The following LIPI variants were observed in gnomAD, a reference collection of about 807,000 sequenced individuals.
LIPI encodes the protein lipase member I.
LIPI carries 59 observed loss-of-function variants against 50.6 expected under a neutral mutation model. The observed-to-expected ratio is 1.16, with a 90% CI of 0.94 to 1.45. The LOEUF (loss-of-function observed/expected upper bound fraction) is 1.45. Among genes scored for constraint, LIPI ranks in the 40% most tolerant of loss-of-function variants. LIPI has a pLI of 0.00. For synonymous variants in LIPI, 203 were observed against 178.2 expected (o/e 1.14, Z -1.11); for missense variants, 586 against 536.3 (o/e 1.09, Z -0.92).
chr21:14,150,099 T>C (rs1033246344), intron 8 of LIPI, among the ~76,000 whole-genome samples: 2 of 152,212 alleles, frequency 1.3e-5, no homozygotes, highest in African/African-American at 2.4e-5. Context: ...AGATTTCCAC[T>C]TGGAGCTCCA....
intron 1 of LIPI, among the ~76,000 whole-genome samples, chr21:14,195,588 A>G (rs890647794): frequency 2.6e-5 from 4 of 152,196 alleles, no homozygotes; most frequent in Admixed American, 1.3e-4. Context: ...ATCTTGGCAT[A>G]GGCAAAGGAC....
chr21:14,129,000 A>G (rs2822425), intron 9 of LIPI, among the ~76,000 whole-genome samples: 49,898 of 151,908 alleles, frequency 0.33, 8,319 homozygotes, highest in East Asian at 0.45. Context: ...TTTTCCAAGA[A>G]TCTAGGAGTA....
intron 9 of LIPI, among the ~76,000 whole-genome samples, chr21:14,140,757 T>C (rs921455801): frequency 6.6e-6 from 1 of 152,174 alleles, no homozygotes; most frequent in East Asian, 1.9e-4. Flanking sequence ...TTCCATTTAT[T>C]CCATTATATT....
intron 1 of LIPI, among the ~76,000 whole-genome samples, chr21:14,207,432 T>C (rs966543671): frequency 2.0e-5 from 3 of 151,826 alleles, no homozygotes; most frequent in African/African-American, 7.3e-5. Flanking sequence ...GGCACAACTA[T>C]GTCAATTAAT....
chr21:14,188,258 T>C (rs375407280), intron 2 of LIPI, among the ~76,000 whole-genome samples: 3 of 152,322 alleles, frequency 2.0e-5, no homozygotes, highest in East Asian at 3.9e-4. Flanking sequence ...AATCTGATGT[T>C]CACCTCCAAA....
intron 7 of LIPI, among the ~76,000 whole-genome samples, chr21:14,156,937 C>T (rs558370219): frequency 1.3e-5 from 2 of 151,914 alleles, no homozygotes; most frequent in South Asian, 4.1e-4. Context: ...ATTGAGGACT[C>T]AAACGGAAAT....
Position 14,145,059 on chromosome 21 carries a change from T to A in LIPI, c.1119-260A>T, listed in dbSNP as rs538593435. Among the ~76,000 whole-genome samples, 29 of 152,280 alleles carry A rather than the reference T, an allele frequency of 1.9e-4. No homozygotes were observed. In the South Asian group the frequency reaches 6.0e-3, roughly 32 times the overall value. ...GCTTCTTTTGGGAAAAAGTGACATG[T>A]CTTTCTGAGTAGATGTCTAGATTTT... On this transcript the variant is annotated intron_variant, in intron 8 of 9. Transcript: ENST00000681601.
chr21:14,172,822 T>A (rs577235826), intron 4 of LIPI, among the ~76,000 whole-genome samples: 5 of 151,934 alleles, frequency 3.3e-5, no homozygotes, highest in Admixed American at 3.3e-4. Context: ...CATATGTAAC[T>A]AACCTGCACA....
At chr21:14,179,803 T>C (rs970875708) in intron 4 of LIPI, among the ~76,000 whole-genome samples, 27 of 152,222 alleles carry the variant, frequency 1.8e-4, no homozygotes, top group African/African-American at 6.5e-4. Context: ...ACACATTGAT[T>C]GTAAAACATA....
intron 4 of LIPI, among the ~76,000 whole-genome samples, chr21:14,167,407 C>A (rs9754274): frequency 0.35 from 52,788 of 152,032 alleles, 9,285 homozygotes; most frequent in Middle Eastern, 0.38. Context: ...GGCAGACTGT[C>A]TCCTCAAGTG....
intron 9 of LIPI, among the ~76,000 whole-genome samples, chr21:14,109,467 C>G (rs772041938): frequency 1.3e-5 from 2 of 151,910 alleles, no homozygotes; most frequent in Non-Finnish European, 2.9e-5. Context: ...CAAAGTTTGC[C>G]GAAGCAATTT....
intron 4 of LIPI, among the ~76,000 whole-genome samples, chr21:14,168,090 C>T (rs9680177): frequency 0.015 from 2,249 of 152,046 alleles, 57 homozygotes; most frequent in African/African-American, 0.05. Flanking sequence ...GGGGCCGATG[C>T]GATCAACTGG....
At chr21:14,137,981 A>G (rs2017566269) in intron 9 of LIPI, among the ~76,000 whole-genome samples, 1 of 152,190 alleles carries the variant, frequency 6.6e-6, no homozygotes, top group Admixed American at 6.5e-5. Context: ...GAAAAAAATA[A>G]GTTTACCATA....
chr21:14,114,584 G>C (rs2016550251), intron 9 of LIPI, among the ~76,000 whole-genome samples: 1 of 152,176 alleles, frequency 6.6e-6, no homozygotes, highest in Non-Finnish European at 1.5e-5. Context: ...ACTCAGAGGA[G>C]AGTATCCCCG....
chr21:14,131,758 G>A (rs566262998), intron 9 of LIPI, among the ~76,000 whole-genome samples: 21 of 152,032 alleles, frequency 1.4e-4, no homozygotes, highest in African/African-American at 5.1e-4. Flanking sequence ...TCAAAATATA[G>A]AATTTAAAGA....
At chr21:14,166,171 G>T (rs2018675829) in intron 5 of LIPI, among the ~76,000 whole-genome samples, 191 bp downstream of exon 5, 1 of 152,078 alleles carries the variant, frequency 6.6e-6, no homozygotes, top group African/African-American at 2.4e-5. Flanking sequence ...ATGACCTAAT[G>T]GATGTCTACT....
At chr21:14,200,991 A>G (rs1038510552) in intron 1 of LIPI, among the ~76,000 whole-genome samples, 1 of 152,028 alleles carries the variant, frequency 6.6e-6, no homozygotes, top group Non-Finnish European at 1.5e-5. Flanking sequence ...TCTTCAACAA[A>G]CCTGCCAAAA....
chr21:14,160,569 T>C (rs2018427205), intron 7 of LIPI, among the ~76,000 whole-genome samples: 1 of 151,238 alleles, frequency 6.6e-6, no homozygotes. Flanking sequence ...GAGAAAACCC[T>C]CAGGACCTAG....
chr21:14,186,485 A>G (rs888408102), intron 2 of LIPI, among the ~76,000 whole-genome samples: 8 of 152,200 alleles, frequency 5.3e-5, no homozygotes, highest in African/African-American at 1.9e-4. Context: ...AACTGTCAGT[A>G]GCACCTATTA....
Sources: gnomAD v4.1 joint callset for allele counts (sites outside exome capture counted in the v4.1 genomes callset) on GRCh38, gnomAD v4.1.1 for gene constraint, MANE v1.5 for transcripts, NCBI Gene and HGNC (gene_info 2026-07-23, HGNC 2026-07-21) for gene names.